DMD: variants seen among roughly 807,000 people sequenced by gnomAD.
DMD encodes the protein mutant dystrophin.
In DMD, 63 loss-of-function variants were observed where a neutral mutation model predicts 330.1. That is an observed-to-expected ratio of 0.19 (90% confidence interval 0.16 to 0.24). DMD has a LOEUF of 0.24. Among genes scored for constraint, DMD ranks in the 10% least tolerant of loss-of-function variants. The pLI is 1.00. For missense variants in DMD, 3,344 were observed against 2,684.1 expected (o/e 1.25, Z -5.43); for synonymous variants, 1,223 against 959.8 (o/e 1.27, Z -5.07).
At chrX:31,793,985 TA>T (rs2091699826) in intron 50 of DMD, among the ~76,000 whole-genome samples, 1 of 111,832 alleles carries the variant, frequency 8.9e-6, no homozygotes, top group African/African-American at 3.3e-5. Context: ...TCTTTAGAGT[TA>T]AATGCTAAGA....
chrX:32,726,850 T>A (rs1412691438), intron 7 of DMD, among the ~76,000 whole-genome samples: 1 of 110,616 alleles, frequency 9.0e-6, no homozygotes, highest in Non-Finnish European at 1.9e-5. Flanking sequence ...GATTCAGATA[T>A]TATTTGAGAA....
intron 9 of DMD, among the ~76,000 whole-genome samples, chrX:32,652,119 G>C (rs769366136): frequency 1.8e-5 from 2 of 111,096 alleles, no homozygotes; most frequent in South Asian, 7.6e-4. Context: ...TAAACAAAAG[G>C]TTCTAGAGCC....
chrX:31,716,906 A>G (rs967859229), intron 52 of DMD, among the ~76,000 whole-genome samples: 1 of 109,875 alleles, frequency 9.1e-6, no homozygotes, highest in Non-Finnish European at 1.9e-5. Flanking sequence ...AACTGACTCC[A>G]AATGTAGCCT....
chrX:31,298,518 T>G (rs10521966), intron 62 of DMD, among the ~76,000 whole-genome samples: 37,163 of 110,376 alleles, frequency 0.34, 5,826 homozygotes, highest in African/African-American at 0.6. Flanking sequence ...TGACTCCTCT[T>G]TAATTCCGTC....
chrX:33,271,119 T>C (rs900836600), intron 1 of DMD, among the ~76,000 whole-genome samples: 1 of 111,693 alleles, frequency 9.0e-6, no homozygotes, highest in Non-Finnish European at 1.9e-5. Context: ...AGTAACTGTA[T>C]AGCATTTGTA....
chrX:32,389,013 A>T (rs1470555978), intron 32 of DMD, among the ~76,000 whole-genome samples: 1 of 111,579 alleles, frequency 9.0e-6, no homozygotes, highest in Admixed American at 9.6e-5. Context: ...AAGGAAAGTT[A>T]TTAAAGTTTG....
chrX:32,232,857 T>C lies in DMD; in HGVS notation c.6291-15794A>G, dbSNP rs189818015. Among the ~76,000 whole-genome samples the C allele has an allele frequency of 4.2e-4, 47 of 111,726 alleles. 1 individual carries two copies. The highest frequency in any genetic ancestry group is 9.4e-5 in the Non-Finnish European group (5 of 53,151). ...TGCTGTGCTCTCAGGCAAGTAAATA[T>C]AGCTGCCGTAGAAAGAGAAATAAGC... On this transcript the variant is annotated intron_variant, in intron 43 of 78. Coordinates refer to ENST00000357033, the MANE Select transcript of DMD (RefSeq NM_004006.3).
intron 1 of DMD, among the ~76,000 whole-genome samples, chrX:33,295,410 T>G (rs2053570081): frequency 9.0e-6 from 1 of 110,609 alleles, no homozygotes; most frequent in South Asian, 3.8e-4. Context: ...TTGAGTTCTT[T>G]CTCACTGAGC....
intron 4 of DMD, among the ~76,000 whole-genome samples, chrX:32,825,842 G>T (rs2078649920): frequency 9.0e-6 from 1 of 111,416 alleles, no homozygotes; most frequent in African/African-American, 3.3e-5. Context: ...AAAAATGGAA[G>T]TTATTAAAGG....
intron 62 of DMD, among the ~76,000 whole-genome samples, chrX:31,317,424 A>C (rs1406243186): frequency 9.0e-6 from 1 of 111,731 alleles, no homozygotes; most frequent in Non-Finnish European, 1.9e-5. Flanking sequence ...AGATTATGAC[A>C]AAATTCAACT....
intron 1 of DMD, among the ~76,000 whole-genome samples, chrX:33,043,398 T>C (rs2094331829): frequency 1.8e-5 from 2 of 111,865 alleles, no homozygotes; most frequent in Non-Finnish European, 3.8e-5. Flanking sequence ...AAATTAAACA[T>C]GAACCAATCT....
intron 34 of DMD, among the ~76,000 whole-genome samples, chrX:32,367,850 T>C (rs2097859720): frequency 8.9e-6 from 1 of 112,110 alleles, no homozygotes; most frequent in Admixed American, 9.5e-5. Flanking sequence ...AAAGCAGTGA[T>C]ATGATGGTGG....
intron 1 of DMD, among the ~76,000 whole-genome samples, chrX:33,326,073 T>C (rs2054085328): frequency 9.0e-6 from 1 of 110,883 alleles, no homozygotes; most frequent in South Asian, 3.8e-4. Context: ...CTAAACTGAA[T>C]GAGGAGGAAT....
chrX:32,823,221 T>C, intron 5 of DMD, 74 bp downstream of exon 5: 1 of 860,931 alleles, frequency 1.2e-6, no homozygotes, highest in Non-Finnish European at 1.7e-6. Context: ...CACATTTGTT[T>C]CACACGTCAA....
chrX:31,323,451 A>G, intron 62 of DMD, 147 bp downstream of exon 62: 1 of 539,465 alleles, frequency 1.9e-6, no homozygotes, highest in Non-Finnish European at 3.1e-6. Flanking sequence ...ATTTTAGAAT[A>G]AGTTTTTTAT....
At chrX:32,804,341 GT>G (rs2076800563) in intron 7 of DMD, among the ~76,000 whole-genome samples, 1 of 112,255 alleles carries the variant, frequency 8.9e-6, no homozygotes, top group African/African-American at 3.2e-5. Flanking sequence ...CCCTCACAGT[GT>G]AAACAAAGTC....
At chrX:31,747,829 T>C (rs1378591389) in intron 51 of DMD, among the ~76,000 whole-genome samples, 1 of 112,328 alleles carries the variant, frequency 8.9e-6, no homozygotes, top group African/African-American at 3.2e-5. Context: ...TAATTTTCTG[T>C]TTTATTAGGC....
intron 59 of DMD, among the ~76,000 whole-genome samples, chrX:31,450,441 G>A (rs1356813006): frequency 1.8e-5 from 2 of 112,115 alleles, no homozygotes; most frequent in Non-Finnish European, 3.8e-5. Context: ...ATACCTGGGC[G>A]GAATGAGCTA....
intron 12 of DMD, among the ~76,000 whole-genome samples, chrX:32,605,714 C>T (rs1602090532): frequency 9.1e-6 from 1 of 110,346 alleles, no homozygotes; most frequent in African/African-American, 3.3e-5. Flanking sequence ...ATAGATAACC[C>T]CATTAAAAAG....
Sources: gnomAD v4.1 joint callset for allele counts (sites outside exome capture counted in the v4.1 genomes callset) on GRCh38, gnomAD v4.1.1 for gene constraint, MANE v1.5 for transcripts, NCBI Gene and HGNC (gene_info 2026-07-23, HGNC 2026-07-21) for gene names.